AKR1B1: variants seen among roughly 807,000 people sequenced by gnomAD.
AKR1B1 encodes the protein aldo-keto reductase family 1 member B1.
AKR1B1 carries 22 observed loss-of-function variants against 40.4 expected under a neutral mutation model. That is an observed-to-expected ratio of 0.54 (90% CI 0.39 to 0.78). The LOEUF (loss-of-function observed/expected upper bound fraction) is 0.78. Ranked by LOEUF, AKR1B1 falls within the 30% of genes least tolerant of loss-of-function variation. The probability of loss-of-function intolerance (pLI) is 0.00; values close to 1 mark genes in which losing one functional copy is unlikely to be tolerated. For synonymous variants in AKR1B1, 157 were observed against 149.9 expected (o/e 1.05, Z -0.35); for missense variants, 357 against 396.7 (o/e 0.90, Z 0.85).
Position 134,442,626 on chromosome 7 carries a change from T to C in AKR1B1, c.*102A>G. On this transcript the variant is annotated 3_prime_UTR_variant, in exon 10 of 10. Coordinates refer to ENST00000285930, the MANE Select transcript of AKR1B1 (RefSeq NM_001628.4). The stretch of plus-strand genomic sequence containing the variant: ...TCGCTGGCCACTCTACAGGTTGCTG[T>C]CCCACTGCTGAGTGACACAGGCCAT... 8.4e-7 allele frequency: 1 copy of C among 1,186,986 alleles called. No individual in the cohort carries two copies. Among genetic ancestry groups the C allele is most frequent in the Non-Finnish European group, 1.2e-6 (1 of 805,710 alleles). The allele number at this position is 1,186,986 out of a possible 1,614,324, so 73.5% of individuals were successfully genotyped here.
chr7:134,453,407 C>T (rs982023705), intron 1 of AKR1B1, among the ~76,000 whole-genome samples: 6 of 152,110 alleles, frequency 3.9e-5, no homozygotes, highest in Non-Finnish European at 7.3e-5. Context: ...AGAATGTCAG[C>T]CTGGAGCTGC....
Position 134,448,029 on chromosome 7 carries a change from T to TC in AKR1B1, c.691dup (p.Asp231GlyfsTer13). 6.2e-7 allele frequency: 1 copy of TC among 1,613,174 alleles called. No individual in the cohort carries two copies. Among genetic ancestry groups the TC allele is most frequent in the African/African-American group, 1.3e-5 (1 of 74,830 alleles). ...GGCTGCGATCGCCTTGATCCTGGGA[T>TC]CCTCCAGGAGAGAAGGGTCCTCGGG... On this transcript the variant is annotated frameshift_variant, in exon 7 of 10. Coordinates refer to ENST00000285930, the MANE Select transcript of AKR1B1 (RefSeq NM_001628.4). LOFTEE classifies it high-confidence loss of function.
Position 134,448,421 on chromosome 7 carries a change from C to A in AKR1B1, c.625G>T (p.Ala209Ser). ...YCQSKGIVVTAYSPLGSPDRP... is the reference protein window; with the variant it reads ...YCQSKGIVVTSYSPLGSPDRP... The stretch of plus-strand genomic sequence containing the variant: ...TCAGGAGAGCCGAGGGGGCTGTAGG[C>A]GGTCACCACGATGCCTTTGGACTGG... The change falls in exon 6 of 10, where the codon GCC (alanine) becomes TCC (serine). Residue 209 changes from alanine (A) to serine (S), a missense_variant. Coordinates refer to ENST00000285930, the MANE Select transcript of AKR1B1 (RefSeq NM_001628.4). 6.2e-7 allele frequency: 1 copy of A among 1,613,824 alleles called. No homozygotes were observed. The highest frequency in any genetic ancestry group is 8.5e-7 in the Non-Finnish European group (1 of 1,179,856).
At chr7:134,456,123 C>A (rs890211858) in intron 1 of AKR1B1, among the ~76,000 whole-genome samples, 1 of 152,230 alleles carries the variant, frequency 6.6e-6, no homozygotes, top group African/African-American at 2.4e-5. Context: ...CCAGCTGTCA[C>A]AAAGACAGGC....
intron 4 of AKR1B1, 52 bp downstream of exon 4, chr7:134,449,665 TAAG>T (rs945273659): frequency 3.4e-5 from 46 of 1,362,272 alleles, no homozygotes; most frequent in African/African-American, 5.7e-5. Context: ...AGATTGCTTC[TAAG>T]AAGAAGAGGG....
upstream of AKR1B1, chr7:134,459,210 G>T (rs979148333): frequency 2.1e-6 from 2 of 946,104 alleles, no homozygotes; most frequent in Non-Finnish European, 3.2e-6. Flanking sequence ...TGCGCTGGGG[G>T]TGCCGCGGCG....
chr7:134,442,994 C>T (rs548187962), intron 9 of AKR1B1, among the ~76,000 whole-genome samples: 1 of 152,218 alleles, frequency 6.6e-6, no homozygotes, highest in Non-Finnish European at 1.5e-5. Context: ...GTGTGAGGGA[C>T]ACCACCCTCC....
intron 7 of AKR1B1, chr7:134,447,744 G>T: frequency 1.6e-6 from 1 of 635,880 alleles, no homozygotes; most frequent in Non-Finnish European, 2.8e-6. Flanking sequence ...ATGAACAAGC[G>T]CTGGCCCTCG....
chr7:134,449,860 G>T, intron 3 of AKR1B1, 63 bp from the exon 4 acceptor site: 1 of 1,350,410 alleles, frequency 7.4e-7, no homozygotes, highest in Non-Finnish European at 1.1e-6. Context: ...CAGACCTGCT[G>T]GGGGAAGCTG....
chr7:134,447,653 A>G, intron 7 of AKR1B1: 2 of 617,526 alleles, frequency 3.2e-6, no homozygotes, highest in Non-Finnish European at 5.8e-6. Flanking sequence ...CTGGCTAGAA[A>G]TGCACACTAC....
intron 9 of AKR1B1, 122 bp downstream of exon 9, chr7:134,445,116 G>A (rs1196751919): frequency 2.2e-6 from 2 of 890,042 alleles, no homozygotes; most frequent in African/African-American, 1.7e-5. Flanking sequence ...GCAAGGTAAT[G>A]TGCAAAGCAA....
At chr7:134,452,772 A>G (rs1466059118) in intron 1 of AKR1B1, among the ~76,000 whole-genome samples, 2 of 152,216 alleles carry the variant, frequency 1.3e-5, no homozygotes, top group Admixed American at 6.5e-5. Flanking sequence ...GCAGCTGCAG[A>G]CATCTGTGTT....
intron 3 of AKR1B1, 56 bp downstream of exon 3, chr7:134,450,730 C>A (rs1806257223): frequency 7.3e-7 from 1 of 1,365,772 alleles, no homozygotes. Context: ...GCTCAAAACA[C>A]ACCACAGGTT....
chr7:134,456,532 A>G (rs1193890391), intron 1 of AKR1B1, among the ~76,000 whole-genome samples: 1 of 151,556 alleles, frequency 6.6e-6, no homozygotes, highest in African/African-American at 2.4e-5. Flanking sequence ...AAAAAAAAAA[A>G]GGAAGTTGAT....
chr7:134,446,643 C>T (rs991609941), intron 8 of AKR1B1, among the ~76,000 whole-genome samples: 8 of 151,754 alleles, frequency 5.3e-5, no homozygotes, highest in African/African-American at 1.5e-4. Context: ...AGGGAGGTGG[C>T]GCCAAGTAGC....
intron 9 of AKR1B1, among the ~76,000 whole-genome samples, chr7:134,443,416 A>C (rs1204847094): frequency 6.6e-6 from 1 of 152,132 alleles, no homozygotes; most frequent in Non-Finnish European, 1.5e-5. Flanking sequence ...CCATTTCAAA[A>C]AAAAAAAGGG....
At chr7:134,448,145 G>T (rs368532838) in intron 6 of AKR1B1, 84 bp from the exon 7 acceptor site, 12 of 1,180,444 alleles carry the variant, frequency 1.0e-5, no homozygotes, top group Non-Finnish European at 1.4e-5. Flanking sequence ...TCCTCCCATC[G>T]ACCTCAGAGG....
rs1806155697 is a variant in AKR1B1 at position 134,447,998 on chromosome 7, G to A, written c.723C>T (p.His241=). ...GCTGTACCTGGGCTGTAGTTTTATT[G>A]TGCTTGGCTGCGATCGCCTTGATCC... ...DPRIKAIAAK[H]NKTTAQVLIR... The change falls in exon 7 of 10, where the codon CAC becomes CAT. Residue 241 remains histidine (H), a synonymous_variant. Coordinates refer to ENST00000285930, the MANE Select transcript of AKR1B1 (RefSeq NM_001628.4). 1 of 1,613,000 alleles carries A rather than the reference G, an allele frequency of 6.2e-7. No homozygotes were observed.
intron 2 of AKR1B1, chr7:134,451,171 G>A (rs1005363724): frequency 6.8e-5 from 39 of 571,838 alleles, no homozygotes; most frequent in African/African-American, 5.8e-4. Context: ...AAGAACTCTC[G>A]AAACTTTCCC....
Sources: gnomAD v4.1 joint callset for allele counts (sites outside exome capture counted in the v4.1 genomes callset) on GRCh38, gnomAD v4.1.1 for gene constraint, MANE v1.5 for transcripts, NCBI Gene and HGNC (gene_info 2026-07-23, HGNC 2026-07-21) for gene names.